C1GALT1: variants seen among roughly 807,000 people sequenced by gnomAD.
C1GALT1 encodes the protein glycoprotein-N-acetylgalactosamine 3-beta-galactosyltransferase 1.
In C1GALT1, 11 loss-of-function variants were observed where a neutral mutation model predicts 31.0. The observed-to-expected ratio is 0.36, with a 90% CI of 0.22 to 0.59. C1GALT1 has a LOEUF of 0.59. C1GALT1 is among the 20% of genes least tolerant of loss of function. The pLI is 0.79. For missense variants in C1GALT1, 424 were observed against 425.2 expected, an observed-to-expected ratio of 1.00 and a Z score of 0.03; for synonymous variants, 175 against 143.6, an observed-to-expected ratio of 1.22 and a Z score of -1.56.
chr7:7,242,206 T>A (rs1281974821), intron 3 of C1GALT1, among the ~76,000 whole-genome samples: 1 of 138,770 alleles, frequency 7.2e-6, no homozygotes, highest in Non-Finnish European at 1.5e-5. Flanking sequence ...AAAATGAAAT[T>A]TCACTTTTTT....
At chr7:7,198,261 G>A (rs71533356) in intron 1 of C1GALT1, among the ~76,000 whole-genome samples, 41,507 of 151,966 alleles carry the variant, frequency 0.27, 6,505 homozygotes, top group East Asian at 0.52. Flanking sequence ...GAATTTTGTC[G>A]AAGGCCTTTT....
chr7:7,201,695 T>C (rs1385959584), intron 1 of C1GALT1, among the ~76,000 whole-genome samples: 1 of 152,172 alleles, frequency 6.6e-6, no homozygotes, highest in African/African-American at 2.4e-5. Flanking sequence ...AGCACTGAGT[T>C]AATTTCCAGG....
chr7:7,206,117 A>G (rs1310337091), intron 1 of C1GALT1, among the ~76,000 whole-genome samples: 2 of 152,204 alleles, frequency 1.3e-5, no homozygotes, highest in African/African-American at 2.4e-5. Context: ...CTTCTTTACA[A>G]TTCCATCCCC....
chr7:7,204,643 T>C lies in C1GALT1; in HGVS notation c.-18+21823T>C, dbSNP rs114579565. 6.9e-3 allele frequency among the ~76,000 whole-genome samples: 1,048 copies of C among 152,268 alleles called. 10 individuals carry two copies. The highest frequency in any genetic ancestry group is 0.024 in the African/African-American group (996 of 41,584). On this transcript the variant is annotated intron_variant, in intron 1 of 3. Coordinates refer to ENST00000436587, the MANE Select transcript of C1GALT1 (RefSeq NM_020156.5). Reference sequence around the variant, plus strand: ...TTTCTGGTTTTTAAAGTTGTAAAAATAGGTTCTTGAATTGAGAACTTTCTT... The same window carrying C: ...TTTCTGGTTTTTAAAGTTGTAAAAACAGGTTCTTGAATTGAGAACTTTCTT...
At chr7:7,201,505 G>C (rs6977673) in intron 1 of C1GALT1, among the ~76,000 whole-genome samples, 14,867 of 152,148 alleles carry the variant, frequency 0.098, 900 homozygotes, top group African/African-American at 0.16. Context: ...ACTCTGTGCT[G>C]GGAAAACCAC....
chr7:7,238,776 G>C lies in C1GALT1; in HGVS notation c.742G>C (p.Glu248Gln), dbSNP rs780239976. The C allele has an allele frequency of 1.2e-6, 2 of 1,613,750 alleles. No homozygotes were observed. The highest frequency in any genetic ancestry group is 2.2e-5 in the South Asian group (2 of 91,058). ...IEDLALGRCM[E>Q]IMNVEAGDSR... ...AGACTTAGCACTGGGGAGATGCATGGAAATTATGAATGTAGAAGCAGGAGA... is the reference window on the plus strand; with the variant it reads ...AGACTTAGCACTGGGGAGATGCATGCAAATTATGAATGTAGAAGCAGGAGA... Residue 248 changes from glutamate (E) to glutamine (Q), a missense_variant, in exon 3 of 4, where the codon GAA (glutamate) becomes CAA (glutamine). By Grantham distance (29) the Glu-to-Gln change is conservative. This residue lies in a region of C1GALT1 where 191 missense variants were observed against 188.8 expected (regional missense o/e 1.01). Coordinates refer to ENST00000436587, the MANE Select transcript of C1GALT1 (RefSeq NM_020156.5). The surrounding 1 kb of genome is among the most constrained non-coding windows in gnomAD (Gnocchi z 5.2).
upstream of C1GALT1, among the ~76,000 whole-genome samples, chr7:7,179,811 G>A (rs1287682523): frequency 6.7e-6 from 1 of 148,476 alleles, no homozygotes; most frequent in East Asian, 2.0e-4. Flanking sequence ...GTTATTATGG[G>A]TGAAATATGG....
chr7:7,189,583 CTA>C (rs201285330), intron 1 of C1GALT1, among the ~76,000 whole-genome samples: 5 of 144,504 alleles, frequency 3.5e-5, no homozygotes, highest in South Asian at 2.1e-4. Context: ...ATTTGGTTAA[CTA>C]TCTTTTTTAT....
chr7:7,194,711 C>T (rs900994357), intron 1 of C1GALT1, among the ~76,000 whole-genome samples: 4 of 151,912 alleles, frequency 2.6e-5, no homozygotes, highest in African/African-American at 9.7e-5. Flanking sequence ...GGAGGGTTTC[C>T]TCTTTCTCTG....
At chr7:7,174,249 T>C (rs1344439630) in intron 2 of C1GALT1, among the ~76,000 whole-genome samples, 4 of 152,166 alleles carry the variant, frequency 2.6e-5, no homozygotes, top group Admixed American at 6.5e-5. Context: ...GGCTTCAGCA[T>C]AGGAATTCTG....
At chr7:7,228,491 C>G (rs924784519) in intron 1 of C1GALT1, among the ~76,000 whole-genome samples, 18 of 152,074 alleles carry the variant, frequency 1.2e-4, no homozygotes, top group African/African-American at 4.1e-4. Flanking sequence ...TAAGCTGTGT[C>G]TTTTTCCAGT....
intron 1 of C1GALT1, among the ~76,000 whole-genome samples, chr7:7,199,197 C>T (rs879285713): frequency 2.0e-5 from 3 of 152,198 alleles, no homozygotes; most frequent in Admixed American, 6.5e-5. Context: ...TCCCTCTACA[C>T]ACTGCTTTAA....
At chr7:7,207,675 T>G (rs905316311) in intron 1 of C1GALT1, among the ~76,000 whole-genome samples, 2 of 152,084 alleles carry the variant, frequency 1.3e-5, no homozygotes, top group African/African-American at 4.8e-5. Flanking sequence ...TATTTTTCTG[T>G]TTCTTTGTAT....
chr7:7,183,043 G>C (rs893453700), intron 1 of C1GALT1, among the ~76,000 whole-genome samples: 1 of 152,156 alleles, frequency 6.6e-6, no homozygotes, highest in South Asian at 2.1e-4. Flanking sequence ...CACAGCGTTC[G>C]GCTGCGTACC....
chr7:7,163,765 T>A (rs1780363164), intron 2 of C1GALT1, among the ~76,000 whole-genome samples: 1 of 152,056 alleles, frequency 6.6e-6, no homozygotes, highest in South Asian at 2.1e-4. Context: ...ACAAGGGACG[T>A]GAAGGACCTC....
chr7:7,227,963 A>C (rs1782876722), intron 1 of C1GALT1, among the ~76,000 whole-genome samples: 1 of 152,208 alleles, frequency 6.6e-6, no homozygotes, highest in Non-Finnish European at 1.5e-5. Context: ...AAATACCAGA[A>C]AATGGACTAA....
At chr7:7,218,277 G>C (rs1053852679) in intron 1 of C1GALT1, among the ~76,000 whole-genome samples, 1 of 152,130 alleles carries the variant, frequency 6.6e-6, no homozygotes, top group Non-Finnish European at 1.5e-5. Flanking sequence ...TTAGGGATGG[G>C]GAATGTCAGA....
Position 7,245,513 on chromosome 7 carries a change from A to G in C1GALT1, c.*1786A>G, listed in dbSNP as rs540598295. 6.6e-6 allele frequency: 1 copy of G among 152,226 alleles called. No homozygotes were observed. The highest frequency in any genetic ancestry group is 2.4e-5 in the African/African-American group (1 of 41,446). The allele number at this position is 152,226 out of a possible 1,614,324, so 9.4% of individuals were successfully genotyped here. ...TATTTATTGTGCCAAAACATGTCAA[A>G]ATCATGACCTCTTTGAATGGTATAT... On this transcript the variant is annotated 3_prime_UTR_variant, in exon 4 of 4. Coordinates refer to ENST00000436587, the MANE Select transcript of C1GALT1 (RefSeq NM_020156.5).
chr7:7,171,262 T>G lies in C1GALT1; in HGVS notation c.-18+13836T>G, dbSNP rs371903019. Among the ~76,000 whole-genome samples the G allele has an allele frequency of 5.3e-5, 8 of 152,266 alleles. No individual in the cohort carries two copies. In the East Asian group the frequency reaches 1.2e-3, roughly 22 times the overall value. On this transcript the variant is annotated intron_variant, in intron 2 of 3. Transcript: ENST00000429911. ...GCCTTTAATTCTGTCAATATTTGCT[T>G]GAAACATTTTGGGTCTCTGTTGTTT...
Sources: gnomAD v4.1 joint callset for allele counts (sites outside exome capture counted in the v4.1 genomes callset) on GRCh38, gnomAD v4.1.1 for gene constraint, gnomAD v4.1.1 regional missense constraint, Gnocchi (gnomAD v3.1) non-coding constraint, MANE v1.5 for transcripts, NCBI Gene and HGNC (gene_info 2026-07-23, HGNC 2026-07-21) for gene names.